The following SEMA3D variants were observed in gnomAD, a reference collection of about 807,000 sequenced individuals.
SEMA3D encodes the protein semaphorin-3D.
Under a neutral mutation model 100.1 loss-of-function variants are expected in SEMA3D, and 84 were observed. The ratio of observed to expected loss-of-function variants is 0.84; its 90% CI spans 0.70 to 1.01. The LOEUF (loss-of-function observed/expected upper bound fraction) is 1.01. SEMA3D is among the 50% of genes least tolerant of loss of function. The probability of loss-of-function intolerance (pLI) is 0.00; values close to 1 mark genes in which losing one functional copy is unlikely to be tolerated. For missense variants in SEMA3D, 875 were observed against 934.1 expected, an observed-to-expected ratio of 0.94 and a Z score of 0.82; for synonymous variants, 312 against 320.7, an observed-to-expected ratio of 0.97 and a Z score of 0.29.
the SEMA3D span, among the ~76,000 whole-genome samples, chr7:85,227,620 A>C: frequency 6.6e-6 from 1 of 152,216 alleles, no homozygotes; most frequent in Non-Finnish European, 1.5e-5. Flanking sequence ...ACTGAAATAC[A>C]TGGCATCTAA....
chr7:85,165,846 C>T (rs1456554659), intron 1 of SEMA3D, among the ~76,000 whole-genome samples: 1 of 152,020 alleles, frequency 6.6e-6, no homozygotes, highest in South Asian at 2.1e-4. Flanking sequence ...TCACGCATCT[C>T]AAACACTACA....
chr7:85,165,005 C>G (rs1790859811), intron 1 of SEMA3D, among the ~76,000 whole-genome samples: 1 of 151,338 alleles, frequency 6.6e-6, no homozygotes, highest in Non-Finnish European at 1.5e-5. Context: ...TTCCCCCCAC[C>G]CCACAACAGT....
Position 85,186,779 on chromosome 7 carries a change from C to T in SEMA3D, c.-274G>A, listed in dbSNP as rs563027029. 6.6e-6 allele frequency: 1 copy of T among 152,182 alleles called. No homozygotes were observed. The highest frequency in any genetic ancestry group is 1.5e-5 in the Non-Finnish European group (1 of 68,088). 9.4% of individuals were successfully genotyped at this position (152,182 alleles called of 1,614,324 possible). ...TCCAGCGGCGCGGCAACCCGGGGCA[C>T]CGGCGCGCGTTCCTCTGAGCCGCAG... On this transcript the variant is annotated 5_prime_UTR_variant, in exon 1 of 19. In the 5' UTR this introduces an upstream ATG that the reference lacks. Transcript: ENST00000284136.
At position 85,015,211 on chromosome 7, in the gene SEMA3D, T is replaced by C. The variant is rs138313782; in HGVS notation, c.1551A>G (p.Gln517=). The C allele has an allele frequency of 1.9e-6, 3 of 1,606,350 alleles. No individual in the cohort carries two copies. The highest frequency in any genetic ancestry group is 2.6e-6 in the Non-Finnish European group (3 of 1,174,210). ...ATCCATCTCGGGAACCAATGTACAA[T>C]TGTTGCTGCAAATCGGGCAAAACAA... ...LNMELSLKQQ[Q]LYIGSRDGLV... is the part of the protein sequence containing the mutation. Residue 517 remains glutamine, a synonymous_variant, in exon 16 of 19, where the codon CAA becomes CAG. Transcript: ENST00000284136.
At chr7:85,042,577 AT>A (rs141247064) in intron 9 of SEMA3D, among the ~76,000 whole-genome samples, 4,029 of 152,240 alleles carry the variant, frequency 0.026, 180 homozygotes, top group African/African-American at 0.09. Flanking sequence ...CCACCTGCCA[AT>A]TTTTTGCTTC....
the SEMA3D span, among the ~76,000 whole-genome samples, chr7:85,227,160 A>G: frequency 2.0e-5 from 3 of 152,324 alleles, no homozygotes; most frequent in African/African-American, 7.2e-5. Context: ...AATATTATCA[A>G]TGTACTCTCT....
At chr7:85,098,573 A>G (rs1394987007) in intron 3 of SEMA3D, among the ~76,000 whole-genome samples, 1 of 151,860 alleles carries the variant, frequency 6.6e-6, no homozygotes, top group Non-Finnish European at 1.5e-5. Flanking sequence ...GGAGATACAG[A>G]AATTTCCTGT....
chr7:85,187,251 G>GGGCA (rs1791585471), upstream of SEMA3D, among the ~76,000 whole-genome samples: 1 of 152,158 alleles, frequency 6.6e-6, no homozygotes, highest in African/African-American at 2.4e-5. Flanking sequence ...TATCAGGACA[G>GGGCA]GGCACCCTAT....
chr7:85,194,410 A>G, the SEMA3D span, among the ~76,000 whole-genome samples: 1 of 152,130 alleles, frequency 6.6e-6, no homozygotes, highest in Non-Finnish European at 1.5e-5. Context: ...TTCATCATGA[A>G]TGGGTGTTGG....
rs140254340 is a variant in SEMA3D at position 85,104,626 on chromosome 7, A to G, written c.152-6661T>C. Among the ~76,000 whole-genome samples, 392 of 152,128 alleles carry G rather than the reference A, an allele frequency of 2.6e-3. 1 individual carries two copies. The highest frequency in any genetic ancestry group is 0.014 in the Middle Eastern group (4 of 294). The stretch of plus-strand genomic sequence containing the variant: ...GGAAGGGAGTGGTGAGTCATATTGA[A>G]TCTAATAAATTTAGGATTAAGCAAC... On this transcript the variant is annotated intron_variant, in intron 3 of 18. Coordinates refer to ENST00000284136, the MANE Select transcript of SEMA3D (RefSeq NM_001384900.1).
chr7:85,164,103 A>G (rs1477535525), intron 1 of SEMA3D, among the ~76,000 whole-genome samples: 1 of 152,144 alleles, frequency 6.6e-6, no homozygotes, highest in Non-Finnish European at 1.5e-5. Context: ...AGAGAAGTGT[A>G]GTGAGTGCTT....
At chr7:85,134,399 T>A (rs1488849304) in intron 2 of SEMA3D, among the ~76,000 whole-genome samples, 1 of 152,028 alleles carries the variant, frequency 6.6e-6, no homozygotes, top group African/African-American at 2.4e-5. Context: ...CAAAAATGTT[T>A]ATGCATATCA....
At position 84,999,645 on chromosome 7, in the gene SEMA3D, C is replaced by G. The variant is rs376940969; in HGVS notation, c.2129G>C (p.Arg710Pro). 1.9e-6 allele frequency: 3 copies of G among 1,613,980 alleles called. No individual in the cohort carries two copies. In the East Asian group the frequency reaches 6.7e-5, roughly 36 times the overall value. Residue 710 changes from arginine (R) to proline (P), a missense_variant, in exon 19 of 19, where the codon CGG (arginine) becomes CCG (proline). By Grantham distance (103) the Arg-to-Pro change is moderately radical (BLOSUM62 -2). Transcript: ENST00000284136. The stretch of plus-strand genomic sequence containing the variant: ...TTGGATGTAGTCTTTGTATCTCAAC[C>G]GTGACTCAGCCAATAGATCCTTGAC... ...GKVKDLLAES[R>P]LRYKDYIQIL...
At chr7:85,161,431 T>G (rs545534876) in intron 1 of SEMA3D, among the ~76,000 whole-genome samples, 1 of 152,272 alleles carries the variant, frequency 6.6e-6, no homozygotes, top group East Asian at 1.9e-4. Flanking sequence ...TATTTTATAA[T>G]GTTTTAATCA....
At chr7:85,057,405 G>A (rs1486003773) in intron 8 of SEMA3D, among the ~76,000 whole-genome samples, 1 of 152,142 alleles carries the variant, frequency 6.6e-6, no homozygotes, top group Admixed American at 6.5e-5. Context: ...CTGGAAAGAA[G>A]AACAGAGCAC....
At chr7:85,057,766 A>C (rs1791362662) in intron 8 of SEMA3D, among the ~76,000 whole-genome samples, 1 of 151,958 alleles carries the variant, frequency 6.6e-6, no homozygotes, top group Non-Finnish European at 1.5e-5. Flanking sequence ...AACCCTGTCT[A>C]CTAAAAATAC....
the SEMA3D span, among the ~76,000 whole-genome samples, chr7:85,208,314 GATATA>G: frequency 6.6e-6 from 1 of 151,722 alleles, no homozygotes; most frequent in Non-Finnish European, 1.5e-5. Flanking sequence ...GCAACAAACA[GATATA>G]ATATTTCATC....
intron 12 of SEMA3D, 60 bp from the exon 13 acceptor site, chr7:85,022,673 T>A: frequency 9.4e-7 from 1 of 1,060,692 alleles, no homozygotes; most frequent in Non-Finnish European, 1.5e-6. Context: ...AGTTCACACT[T>A]ATTTCCAATA....
chr7:85,232,637 T>C, the SEMA3D span, among the ~76,000 whole-genome samples: 1 of 152,200 alleles, frequency 6.6e-6, no homozygotes, highest in Admixed American at 6.5e-5. Context: ...TTTATTGTCG[T>C]ATCATTTTTT....
Sources: gnomAD v4.1 joint callset for allele counts (sites outside exome capture counted in the v4.1 genomes callset) on GRCh38, gnomAD v4.1.1 for gene constraint, MANE v1.5 for transcripts, NCBI Gene and HGNC (gene_info 2026-07-23, HGNC 2026-07-21) for gene names.